The following LIPC variants were observed in gnomAD, a reference collection of about 807,000 sequenced individuals.
LIPC encodes the protein hepatic triacylglycerol lipase.
A neutral mutation model predicts 50.7 loss-of-function variants in LIPC; 44 were observed. The ratio of observed to expected loss-of-function variants is 0.87; its 90% CI spans 0.68 to 1.11. The LOEUF (loss-of-function observed/expected upper bound fraction) is 1.11. Ranked by LOEUF, LIPC falls within the 50% of genes most tolerant of loss-of-function variation. LIPC has a pLI of 0.00. For synonymous variants in LIPC, 271 were observed against 256.4 expected, an observed-to-expected ratio of 1.06 and a Z score of -0.54; for missense variants, 697 against 648.2, an observed-to-expected ratio of 1.08 and a Z score of -0.82.
intron 1 of LIPC, among the ~76,000 whole-genome samples, chr15:58,506,839 G>C (rs564675347): frequency 6.6e-6 from 1 of 152,280 alleles, no homozygotes; most frequent in Non-Finnish European, 1.5e-5. Flanking sequence ...AAATACCCGA[G>C]ACTAGGAAAT....
intron 1 of LIPC, among the ~76,000 whole-genome samples, chr15:58,524,936 T>C (rs1191307520): frequency 6.6e-6 from 1 of 152,218 alleles, no homozygotes; most frequent in Admixed American, 6.5e-5. Context: ...TTTAATGTAG[T>C]CTAATTTAAC....
chr15:58,523,614 T>TG (rs1274567838), intron 1 of LIPC, among the ~76,000 whole-genome samples: 8 of 151,448 alleles, frequency 5.3e-5, no homozygotes, highest in Admixed American at 6.6e-5. Context: ...TGGGATTTTT[T>TG]TTTTATTTAA....
At chr15:58,511,671 T>A (rs1006525337) in intron 1 of LIPC, among the ~76,000 whole-genome samples, 2 of 152,220 alleles carry the variant, frequency 1.3e-5, no homozygotes, top group African/African-American at 4.8e-5. Context: ...TGATGTCACT[T>A]AATCTAGTAA....
intron 1 of LIPC, among the ~76,000 whole-genome samples, chr15:58,534,083 T>C (rs1161537302): frequency 6.6e-6 from 1 of 152,112 alleles, no homozygotes; most frequent in African/African-American, 2.4e-5. Context: ...ACCTTGGGCA[T>C]AGAGATGAAT....
Position 58,545,952 on chromosome 15 carries a change from A to C in LIPC, c.785A>C (p.His262Pro). The change falls in exon 5 of 9, where the codon CAT becomes CCT. Residue 262 changes from histidine (H) to proline (P), a missense_variant. His to Pro is a moderately conservative substitution (Grantham distance 77). Transcript: ENST00000299022. The stretch of plus-strand genomic sequence containing the variant: ...TGCCACTTCCTAGAGCTCTACAGAC[A>C]TATTGCCCAGCACGGCTTCAATGGT... ...PGCHFLELYR[H>P]IAQHGFNAIT... 6.2e-7 allele frequency: 1 copy of C among 1,613,890 alleles called. No individual in the cohort carries two copies. Among genetic ancestry groups the C allele is most frequent in the South Asian group, 1.1e-5 (1 of 91,074 alleles).
At chr15:58,435,739 A>G (rs1381583817) in intron 1 of LIPC, 1 of 152,176 alleles carries the variant, frequency 6.6e-6, no homozygotes, top group African/African-American at 2.4e-5. Flanking sequence ...GTAAAATGCC[A>G]TCTCTACTAA....
rs544908305 is a variant in LIPC, at chr15:58,551,057, G to A, written c.1051+2485G>A. 9.2e-4 allele frequency among the ~76,000 whole-genome samples: 139 copies of A among 151,862 alleles called. 1 individual carries two copies. The Middle Eastern group carries it at 0.054, about 59-fold the overall frequency. On this transcript the variant is annotated intron_variant, in intron 6 of 8. Coordinates refer to ENST00000299022, the MANE Select transcript of LIPC (RefSeq NM_000236.3). ...TCGCCACGTTGGCCAGGCTGGTCTC[G>A]AACTCCTGACCTCAAGTGATCCACC...
At position 58,563,666 on chromosome 15, in the gene LIPC, G is replaced by C; in HGVS notation, c.1331G>C (p.Arg444Pro). ...ATCATCCCATGGAGCACAGGGCCGCGCCACTCAGGCCTCGTTCTGAAGACG... is the reference window on the plus strand; with the variant it reads ...ATCATCCCATGGAGCACAGGGCCGCCCCACTCAGGCCTCGTTCTGAAGACG... ...QTIIPWSTGP[R>P]HSGLVLKTIR... is the part of the protein sequence containing the mutation. Residue 444 changes from arginine (R) to proline (P), a missense_variant, in exon 8 of 9, where the codon CGC becomes CCC. Physicochemically the swap from Arg to Pro is moderately radical, Grantham distance 103. Transcript: ENST00000299022. 11 of 1,613,990 alleles carry C rather than the reference G, an allele frequency of 6.8e-6. No individual in the cohort carries two copies. Among genetic ancestry groups the C allele is most frequent in the Non-Finnish European group, 9.3e-6 (11 of 1,180,036 alleles).
At position 58,563,550 on chromosome 15, in the gene LIPC, G is replaced by T. The variant is rs755044244; in HGVS notation, c.1215G>T (p.Thr405=). The part of the protein sequence containing the change: ...ASNKTYSFLI[T]LDVDIGELIM... ...ATAAAACGTATTCCTTTCTTATCAC[G>T]CTGGATGTGGATATCGGCGAGCTGA... is the stretch of plus-strand genomic sequence containing the variant. Residue 405 remains threonine, a synonymous_variant, in exon 8 of 9, where the codon ACG becomes ACT. Coordinates refer to ENST00000299022, the MANE Select transcript of LIPC (RefSeq NM_000236.3). 6.8e-6 allele frequency: 11 copies of T among 1,614,040 alleles called. No individual in the cohort carries two copies. Among genetic ancestry groups the T allele is most frequent in the African/African-American group, 6.7e-5 (5 of 74,920 alleles).
At position 58,538,421 on chromosome 15, in the gene LIPC, T is replaced by G. The variant is rs751257289; in HGVS notation, c.177T>G (p.Asn59Lys). 1 of 1,614,190 alleles carries G rather than the reference T, an allele frequency of 6.2e-7. No individual in the cohort carries two copies. The highest frequency in any genetic ancestry group is 8.5e-7 in the Non-Finnish European group (1 of 1,180,038). The change falls in exon 2 of 9, where the codon AAT becomes AAG. Residue 59 changes from asparagine (N) to lysine (K), a missense_variant. Asn to Lys is a moderately conservative substitution (Grantham distance 94). Coordinates refer to ENST00000299022, the MANE Select transcript of LIPC (RefSeq NM_000236.3). The stretch of plus-strand genomic sequence containing the variant: ...GATTCCTGCTCTTTGGAGAAACCAA[T>G]CAGGGCTGTCAGATTCGAATCAATC... ...KTRFLLFGET[N>K]QGCQIRINHP...
chr15:58,529,897 T>C (rs1171265851), intron 1 of LIPC, among the ~76,000 whole-genome samples: 2 of 152,122 alleles, frequency 1.3e-5, no homozygotes, highest in African/African-American at 2.4e-5. Context: ...GGAGCAGTGG[T>C]TGGAGTGGGA....
At chr15:58,436,716 G>C (rs1209411072) in intron 1 of LIPC, 1 of 456,162 alleles carries the variant, frequency 2.2e-6, no homozygotes, top group Non-Finnish European at 4.4e-6. Context: ...GACCATGAGA[G>C]AGGAATGAGT....
intron 1 of LIPC, among the ~76,000 whole-genome samples, chr15:58,475,572 C>T (rs1364507083): frequency 6.6e-6 from 1 of 152,212 alleles, no homozygotes; most frequent in African/African-American, 2.4e-5. Context: ...CTCTGGTTCC[C>T]CACAGCCACC....
At chr15:58,544,555 C>T (rs1321618491) in intron 4 of LIPC, among the ~76,000 whole-genome samples, 3 of 151,918 alleles carry the variant, frequency 2.0e-5, no homozygotes, top group African/African-American at 7.3e-5. Context: ...ACCACCACGC[C>T]CGGCTAATTT....
chr15:58,434,603 C>A (rs1893231116), intron 1 of LIPC, among the ~76,000 whole-genome samples: 1 of 152,238 alleles, frequency 6.6e-6, no homozygotes, highest in Non-Finnish European at 1.5e-5. Context: ...ACATTCTGCT[C>A]AGTTCCTCTC....
intron 6 of LIPC, among the ~76,000 whole-genome samples, chr15:58,551,095 C>A (rs1893743842): frequency 6.6e-6 from 1 of 152,132 alleles, no homozygotes; most frequent in Admixed American, 6.5e-5. Flanking sequence ...CCTCTGCCTC[C>A]CAAAGTGCTG....
In LIPC at chr15:58,563,716, C is replaced by T; in HGVS notation, c.1381C>T (p.Gln461Ter). 1 of 1,612,594 alleles carries T rather than the reference C, an allele frequency of 6.2e-7. No individual in the cohort carries two copies. The highest frequency in any genetic ancestry group is 1.1e-5 in the South Asian group (1 of 90,972). ...GATCAGAGTCAAAGCAGGAGAAACC[C>T]AGCAAAGGTGACTGCTGATTCAATC... ...KTIRVKAGETQQRMTFCSENT... is the reference protein window; with the variant it reads ...KTIRVKAGET Residue 461 changes from glutamine to a stop codon, truncating the protein, a stop_gained, in exon 8 of 9, where the codon CAG becomes TAG. Coordinates refer to ENST00000299022, the MANE Select transcript of LIPC (RefSeq NM_000236.3). LOFTEE classifies it high-confidence loss of function.
intron 1 of LIPC, among the ~76,000 whole-genome samples, chr15:58,466,128 G>T (rs1894554092): frequency 6.6e-6 from 1 of 152,192 alleles, no homozygotes; most frequent in Admixed American, 6.5e-5. Flanking sequence ...AATCATTTAT[G>T]TAAGATTATG....
chr15:58,450,243 G>C (rs543104745), intron 1 of LIPC, among the ~76,000 whole-genome samples: 2 of 152,342 alleles, frequency 1.3e-5, no homozygotes, highest in South Asian at 2.1e-4. Context: ...TCTCAAACTT[G>C]AGTGTGCATC....
Sources: allele counts gnomAD v4.1 joint callset (sites outside exome capture counted in the v4.1 genomes callset), GRCh38; gene constraint gnomAD v4.1.1; transcripts MANE v1.5; gene names NCBI Gene and HGNC (gene_info 2026-07-23, HGNC 2026-07-21).